The following SLC30A9 variants were observed in gnomAD, a reference collection of about 807,000 sequenced individuals.
SLC30A9 encodes the protein proton-coupled zinc antiporter SLC30A9, mitochondrial.
Under a neutral mutation model 87.5 loss-of-function variants are expected in SLC30A9, and 58 were observed. The ratio of observed to expected loss-of-function variants is 0.66; its 90% CI spans 0.54 to 0.82. SLC30A9 has a LOEUF of 0.82. Among genes scored for constraint, SLC30A9 ranks in the 40% least tolerant of loss-of-function variants. SLC30A9 has a pLI of 0.00. For missense variants in SLC30A9, 557 were observed against 679.1 expected, an observed-to-expected ratio of 0.82 and a Z score of 2.00; for synonymous variants, 234 against 233.0, an observed-to-expected ratio of 1.00 and a Z score of -0.04.
intron 14 of SLC30A9, chr4:42,070,232 T>C: frequency 8.4e-6 from 2 of 238,196 alleles, no homozygotes; most frequent in Non-Finnish European, 8.1e-6. Flanking sequence ...CATTATGTCA[T>C]TTTTTTGTAT....
chr4:42,017,952 G>T lies in SLC30A9; in HGVS notation c.275-159G>T, dbSNP rs187640013. ...TCTGTTAATGAGATAAATAGCTTTTGTAATGTTTAACTACTCTTACATTCT... is the reference window on the plus strand; with the variant it reads ...TCTGTTAATGAGATAAATAGCTTTTTTAATGTTTAACTACTCTTACATTCT... On this transcript the variant is annotated intron_variant, in intron 2 of 17. Coordinates refer to ENST00000264451, the MANE Select transcript of SLC30A9 (RefSeq NM_006345.4). 2.6e-3 allele frequency among the ~76,000 whole-genome samples: 396 copies of T among 152,182 alleles called. 4 individuals carry two copies. Among genetic ancestry groups the T allele is most frequent in the Non-Finnish European group, 4.3e-3 (295 of 67,964 alleles).
At position 42,001,639 on chromosome 4, in the gene SLC30A9, G is replaced by A; in HGVS notation, c.133G>A (p.Gly45Arg). 1 of 1,594,558 alleles carries A rather than the reference G, an allele frequency of 6.3e-7. No individual in the cohort carries two copies. The highest frequency in any genetic ancestry group is 8.6e-7 in the Non-Finnish European group (1 of 1,167,884). ...RQEWQNLVTF[G>R]SFSNMVPCSH... ...AGAGTGGCAGAATTTAGTGACATTT[G>A]GAAGCTTTTCAAACATGGTTCCCTG... The change falls in exon 2 of 18, where the codon GGA (glycine) becomes AGA (arginine). Residue 45 changes from glycine to arginine, a missense_variant. This residue lies in a region of SLC30A9 where 467 missense variants were observed against 529.8 expected (regional missense o/e 0.88). Transcript: ENST00000264451.
intron 2 of SLC30A9, among the ~76,000 whole-genome samples, chr4:42,008,432 T>C (rs555252069): frequency 6.6e-6 from 1 of 152,324 alleles, no homozygotes; most frequent in East Asian, 1.9e-4. Flanking sequence ...CTCAGTGTCT[T>C]GCTGATAGTA....
In SLC30A9 at chr4:42,089,417, GTT is replaced by G. The variant is rs974667314; in HGVS notation, c.*3295_*3296del. 2.0e-5 allele frequency: 3 copies of G among 151,882 alleles called. No individual in the cohort carries two copies. Among genetic ancestry groups the G allele is most frequent in the Non-Finnish European group, 4.4e-5 (3 of 68,066 alleles). 9.4% of individuals were successfully genotyped at this position (151,882 alleles called of 1,614,324 possible). ...GCAGTGGGAGGATGAGGGGTGGAGTGTTTTTGTTTTTTTTGTTTTTTTTTGAG... is the reference window on the plus strand; with the variant it reads ...GCAGTGGGAGGATGAGGGGTGGAGTGTTTGTTTTTTTTGTTTTTTTTTGAG... On this transcript the variant is annotated 3_prime_UTR_variant, in exon 18 of 18. Transcript: ENST00000264451.
chr4:42,000,185 T>C (rs1714919418), intron 1 of SLC30A9, among the ~76,000 whole-genome samples: 1 of 152,032 alleles, frequency 6.6e-6, no homozygotes, highest in Admixed American at 6.6e-5. Flanking sequence ...GAGTAATCCC[T>C]CTTTAAACAT....
chr4:42,049,790 A>T (rs1717315624), intron 9 of SLC30A9, among the ~76,000 whole-genome samples: 1 of 152,210 alleles, frequency 6.6e-6, no homozygotes, highest in Non-Finnish European at 1.5e-5. Context: ...TGGAATAAAG[A>T]TGTAAAATCA....
At chr4:42,058,010 G>A (rs895775909) in intron 9 of SLC30A9, among the ~76,000 whole-genome samples, 1 of 149,924 alleles carries the variant, frequency 6.7e-6, no homozygotes, top group Non-Finnish European at 1.5e-5. Flanking sequence ...GCTGAGGCAG[G>A]ATAATCGCTT....
At chr4:42,056,259 T>A (rs1717607258) in intron 9 of SLC30A9, among the ~76,000 whole-genome samples, 1 of 152,102 alleles carries the variant, frequency 6.6e-6, no homozygotes, top group South Asian at 2.1e-4. Context: ...ATGTGAATAA[T>A]GACTGTCACT....
intron 2 of SLC30A9, among the ~76,000 whole-genome samples, chr4:42,010,472 G>A (rs1715391519): frequency 6.6e-6 from 1 of 151,890 alleles, no homozygotes; most frequent in South Asian, 2.1e-4. Context: ...GCAAGATCCT[G>A]TCTCAAAATA....
Position 42,035,317 on chromosome 4 carries a change from T to A in SLC30A9, c.653T>A (p.Phe218Tyr). ...AAAATATTAAGAGAATACAGAGATT[T>A]CTTGGGAAATACCAAGGTATGGATA... is the stretch of plus-strand genomic sequence containing the variant. Reference protein sequence around the residue: ...NQKILREYRDFLGNTKPRSRT... With the variant: ...NQKILREYRDYLGNTKPRSRT... The change falls in exon 7 of 18, where the codon TTC becomes TAC. Residue 218 changes from phenylalanine to tyrosine, a missense_variant. By Grantham distance (22) the Phe-to-Tyr change is conservative. Coordinates refer to ENST00000264451, the MANE Select transcript of SLC30A9 (RefSeq NM_006345.4). The A allele has an allele frequency of 6.2e-7, 1 of 1,602,722 alleles. No individual in the cohort carries two copies. Among genetic ancestry groups the A allele is most frequent in the Non-Finnish European group, 8.5e-7 (1 of 1,172,148 alleles).
At chr4:42,083,006 A>G (rs1718797598) in intron 17 of SLC30A9, among the ~76,000 whole-genome samples, 1 of 152,138 alleles carries the variant, frequency 6.6e-6, no homozygotes, top group South Asian at 2.1e-4. Context: ...TGACCTGTTA[A>G]ACATTTTTTG....
At chr4:42,014,525 C>G (rs1715611995) in intron 2 of SLC30A9, among the ~76,000 whole-genome samples, 1 of 150,812 alleles carries the variant, frequency 6.6e-6, no homozygotes, top group Non-Finnish European at 1.5e-5. Context: ...CTGCTGCACT[C>G]CAGCCTGGCG....
intron 6 of SLC30A9, chr4:42,029,686 A>G (rs1350868974): frequency 9.3e-6 from 7 of 751,588 alleles, no homozygotes; most frequent in African/African-American, 8.6e-5. Context: ...TGGCTGGGAA[A>G]TTGCTCTGGA....
At chr4:42,026,853 G>A (rs1716214532) in intron 6 of SLC30A9, among the ~76,000 whole-genome samples, 1 of 152,050 alleles carries the variant, frequency 6.6e-6, no homozygotes, top group Non-Finnish European at 1.5e-5. Flanking sequence ...TAACCAAAGA[G>A]AGCATAAAGG....
chr4:42,030,328 G>A (rs578027022), intron 6 of SLC30A9, among the ~76,000 whole-genome samples: 37 of 152,234 alleles, frequency 2.4e-4, no homozygotes, highest in African/African-American at 8.9e-4. Flanking sequence ...ATATTCTACT[G>A]TAAATGACAA....
At chr4:42,064,527 T>G (rs1348655028) in intron 11 of SLC30A9, among the ~76,000 whole-genome samples, 11 of 152,218 alleles carry the variant, frequency 7.2e-5, no homozygotes, top group Non-Finnish European at 1.6e-4. Context: ...TTTCATATAA[T>G]TAAAACAAAC....
chr4:42,063,349 A>G (rs575198187), intron 11 of SLC30A9, among the ~76,000 whole-genome samples: 1 of 152,328 alleles, frequency 6.6e-6, no homozygotes, highest in Non-Finnish European at 1.5e-5. Flanking sequence ...ACCAATTATC[A>G]AGCCCTGCTC....
At chr4:42,035,385 T>C in intron 7 of SLC30A9, 52 bp downstream of exon 7, 1 of 1,579,184 alleles carries the variant, frequency 6.3e-7, no homozygotes, top group Non-Finnish European at 8.6e-7. Flanking sequence ...AGCAAAATTC[T>C]AATATCAGTC....
chr4:42,035,583 C>T (rs560901302), intron 7 of SLC30A9, among the ~76,000 whole-genome samples: 3 of 151,406 alleles, frequency 2.0e-5, no homozygotes, highest in South Asian at 2.1e-4. Flanking sequence ...CTGCAATCTC[C>T]GCCTCCCGGG....
Sources: allele counts gnomAD v4.1 joint callset (sites outside exome capture counted in the v4.1 genomes callset), GRCh38; gene constraint gnomAD v4.1.1; regional missense constraint gnomAD v4.1.1; transcripts MANE v1.5; gene names NCBI Gene and HGNC (gene_info 2026-07-23, HGNC 2026-07-21).